The following EPHA6 variants were observed in gnomAD, a reference collection of about 807,000 sequenced individuals.
EPHA6 encodes the protein ephrin type-A receptor 6.
Under a neutral mutation model 112.0 loss-of-function variants are expected in EPHA6, and 50 were observed. That is an observed-to-expected ratio of 0.45 (90% CI 0.36 to 0.56). The LOEUF (loss-of-function observed/expected upper bound fraction) is 0.56. Among genes scored for constraint, EPHA6 ranks in the 20% least tolerant of loss-of-function variants. The pLI is 0.00. For synonymous variants in EPHA6, 529 were observed against 490.7 expected, an observed-to-expected ratio of 1.08 and a Z score of -1.03; for missense variants, 1,280 against 1,417.4, an observed-to-expected ratio of 0.90 and a Z score of 1.56.
intron 13 of EPHA6, among the ~76,000 whole-genome samples, chr3:97,616,020 C>A (rs1418806585): frequency 1.3e-5 from 2 of 152,130 alleles, no homozygotes; most frequent in Non-Finnish European, 2.9e-5. Flanking sequence ...ATCCTCCTGA[C>A]TGGGTGAGAT....
chr3:97,166,379 A>T (rs966332751), intron 3 of EPHA6, among the ~76,000 whole-genome samples: 1 of 151,994 alleles, frequency 6.6e-6, no homozygotes, highest in South Asian at 2.1e-4. Flanking sequence ...AAAAAAAAAA[A>T]AAATAACAAA....
At chr3:97,442,334 C>G (rs1277198397) in intron 6 of EPHA6, among the ~76,000 whole-genome samples, 1 of 152,152 alleles carries the variant, frequency 6.6e-6, no homozygotes, top group Non-Finnish European at 1.5e-5. Flanking sequence ...GCTGTAATCA[C>G]AGCACTTTTG....
At chr3:97,509,147 T>C (rs1483437106) in intron 10 of EPHA6, among the ~76,000 whole-genome samples, 2 of 151,794 alleles carry the variant, frequency 1.3e-5, no homozygotes, top group Non-Finnish European at 2.9e-5. Flanking sequence ...TCTGTTTGCC[T>C]GTCTGCGTCT....
intron 13 of EPHA6, among the ~76,000 whole-genome samples, chr3:97,623,492 G>A (rs922368766): frequency 4.0e-5 from 6 of 151,580 alleles, no homozygotes; most frequent in Admixed American, 3.3e-4. Context: ...ATTTCTCACA[G>A]TTCTGGAAGC....
At chr3:97,502,763 G>A (rs898641453) in intron 10 of EPHA6, among the ~76,000 whole-genome samples, 4 of 148,124 alleles carry the variant, frequency 2.7e-5, no homozygotes, top group Admixed American at 6.8e-5. Context: ...GAACCAGCGA[G>A]GTGGAGGTTG....
chr3:97,445,536 A>G (rs898285356), intron 6 of EPHA6, among the ~76,000 whole-genome samples: 2 of 152,204 alleles, frequency 1.3e-5, no homozygotes, highest in Non-Finnish European at 1.5e-5. Context: ...AAGTATAACT[A>G]TAGCAGTACT....
At chr3:97,577,861 T>G (rs1028500661) in intron 11 of EPHA6, among the ~76,000 whole-genome samples, 2 of 152,166 alleles carry the variant, frequency 1.3e-5, no homozygotes, top group African/African-American at 4.8e-5. Context: ...GAGTAATATT[T>G]GGGTCTTTGG....
chr3:97,610,590 A>G (rs1324911995), intron 12 of EPHA6, among the ~76,000 whole-genome samples: 2 of 151,762 alleles, frequency 1.3e-5, no homozygotes, highest in East Asian at 1.9e-4. Flanking sequence ...TGTCCCTTTT[A>G]TGAACTCAAA....
chr3:96,980,050 G>C (rs977412560), intron 2 of EPHA6, among the ~76,000 whole-genome samples: 1 of 152,154 alleles, frequency 6.6e-6, no homozygotes, highest in Non-Finnish European at 1.5e-5. Flanking sequence ...AAGCTCTTGA[G>C]TTTAATTAGA....
chr3:96,814,804 G>A lies in EPHA6; in HGVS notation c.181G>A (p.Glu61Lys). 6.2e-7 allele frequency: 1 copy of A among 1,601,138 alleles called. No individual in the cohort carries two copies. Among genetic ancestry groups the A allele is most frequent in the Non-Finnish European group, 8.5e-7 (1 of 1,173,094 alleles). Residue 61 changes from glutamate to lysine, a missense_variant, in exon 1 of 18, where the codon GAG (glutamate) becomes AAG (lysine). Glu to Lys is a moderately conservative substitution (Grantham distance 56, BLOSUM62 1). Transcript: ENST00000389672. ...CCGGGTGGAGGAGGAAGAGGAGGAG[G>A]AGGAAGAAGACGTGGACAAGGACCC... is the stretch of plus-strand genomic sequence containing the variant. ...AGRVEEEEEE[E>K]EEDVDKDPHP...
intron 2 of EPHA6, among the ~76,000 whole-genome samples, chr3:96,902,201 G>A (rs1387698105): frequency 3.3e-5 from 5 of 152,178 alleles, no homozygotes; most frequent in Admixed American, 3.3e-4. Context: ...AGGTATACTT[G>A]TTAAAAAGAG....
At chr3:97,092,101 A>ATTTTT (rs1559722636) in intron 3 of EPHA6, among the ~76,000 whole-genome samples, 1 of 143,278 alleles carries the variant, frequency 7.0e-6, no homozygotes, top group African/African-American at 2.8e-5. Context: ...TTTTTTTAAA[A>ATTTTT]AAAAAAAGCA....
chr3:97,392,158 A>G (rs954164809), intron 5 of EPHA6, among the ~76,000 whole-genome samples: 1 of 151,870 alleles, frequency 6.6e-6, no homozygotes, highest in African/African-American at 2.4e-5. Context: ...TTTGAAAAGT[A>G]TTAACATTTT....
At chr3:97,449,579 G>A (rs2090460609) in intron 7 of EPHA6, among the ~76,000 whole-genome samples, 1 of 151,916 alleles carries the variant, frequency 6.6e-6, no homozygotes, top group South Asian at 2.1e-4. Flanking sequence ...TATTTTACAT[G>A]GAATTGTTCA....
chr3:97,633,962 T>G (rs543411084), intron 13 of EPHA6, among the ~76,000 whole-genome samples: 1 of 152,278 alleles, frequency 6.6e-6, no homozygotes, highest in South Asian at 2.1e-4. Flanking sequence ...TGTTTTTGTT[T>G]GTTTGCTTTT....
At chr3:97,367,508 C>G (rs749602046) in intron 5 of EPHA6, among the ~76,000 whole-genome samples, 12 of 152,072 alleles carry the variant, frequency 7.9e-5, no homozygotes, top group Non-Finnish European at 1.2e-4. Flanking sequence ...TTTTGCCTAA[C>G]TGCTTACTCC....
chr3:97,110,152 T>C (rs1403644114), intron 3 of EPHA6, among the ~76,000 whole-genome samples: 1 of 152,138 alleles, frequency 6.6e-6, no homozygotes, highest in Non-Finnish European at 1.5e-5. Context: ...CACCATTCTG[T>C]GAAAAAGATG....
chr3:97,629,159 C>T (rs1230096820), intron 13 of EPHA6, among the ~76,000 whole-genome samples: 1 of 151,946 alleles, frequency 6.6e-6, no homozygotes, highest in Non-Finnish European at 1.5e-5. Context: ...ATCTCCTGGC[C>T]TCAAATGATC....
intron 11 of EPHA6, among the ~76,000 whole-genome samples, chr3:97,547,850 G>C (rs561069816): frequency 1.3e-5 from 2 of 149,828 alleles, no homozygotes; most frequent in Non-Finnish European, 3.0e-5. Context: ...CTCTGTGGGC[G>C]TAGGACCCTC....
Sources: gnomAD v4.1 joint callset for allele counts (sites outside exome capture counted in the v4.1 genomes callset) on GRCh38, gnomAD v4.1.1 for gene constraint, MANE v1.5 for transcripts, NCBI Gene and HGNC (gene_info 2026-07-23, HGNC 2026-07-21) for gene names.